DUSP11: variants seen among roughly 807,000 people sequenced by gnomAD.
DUSP11 encodes the protein RNA/RNP complex-1-interacting phosphatase.
A neutral mutation model predicts 41.4 loss-of-function variants in DUSP11; 27 were observed. The observed-to-expected ratio is 0.65, with a 90% confidence interval of 0.48 to 0.90. The LOEUF (loss-of-function observed/expected upper bound fraction) is 0.90. Ranked by LOEUF, DUSP11 falls within the 40% of genes least tolerant of loss-of-function variation. The probability of loss-of-function intolerance (pLI) is 0.00; values close to 1 mark genes in which losing one functional copy is unlikely to be tolerated. For synonymous variants in DUSP11, 188 were observed against 159.3 expected, an observed-to-expected ratio of 1.18 and a Z score of -1.35; for missense variants, 465 against 461.1, an observed-to-expected ratio of 1.01 and a Z score of -0.08.
chr2:73,766,862 A>C (rs767048130), exon 7 of DUSP11: 1 of 1,613,420 alleles, frequency 6.2e-7, no homozygotes, highest in Non-Finnish European at 8.5e-7. Flanking sequence ...TCTTCAATGT[A>C]GTTTTGTCTT....
At chr2:73,766,309 CAAAA>C in intron 8 of DUSP11, 105 bp downstream of exon 8, 20 of 836,744 alleles carry the variant, frequency 2.4e-5, no homozygotes, top group Admixed American at 7.5e-5. Flanking sequence ...ACTCTGTCTC[CAAAA>C]AAAAAAAAAA....
intron 5 of DUSP11, 125 bp downstream of exon 5, chr2:73,769,140 G>T: frequency 4.3e-6 from 3 of 699,700 alleles, no homozygotes; most frequent in East Asian, 2.6e-5. Context: ...ATCTCTGGGT[G>T]GGGAGCAAGA....
chr2:73,775,851 CAAAAAAAAAATTTAAAAAAA>C (rs973345451), intron 2 of DUSP11, among the ~76,000 whole-genome samples: 4 of 43,942 alleles, frequency 9.1e-5, no homozygotes, highest in African/African-American at 4.0e-4. Context: ...GACTCCATCT[CAAAAAAAAAATTTAAAAAAA>C]AAAAAAAAAA....
At chr2:73,774,862 AT>A in intron 3 of DUSP11, 50 bp downstream of exon 3, 1 of 1,429,880 alleles carries the variant, frequency 7.0e-7, no homozygotes, top group Non-Finnish European at 9.3e-7. Flanking sequence ...ACTATAAATT[AT>A]TTTAGGATCA....
rs773506260 is a variant in DUSP11, at chr2:73,780,139, G to T, written c.-24C>A. The T allele has an allele frequency of 2.6e-6, 4 of 1,552,008 alleles. No homozygotes were observed. The South Asian group carries it at 4.7e-5, about 18-fold the overall frequency. On this transcript the variant is annotated 5_prime_UTR_variant, in exon 1 of 9. Transcript: ENST00000272444. The stretch of plus-strand genomic sequence containing the variant: ...ATGTGCCACCGCCGGTCGTGATGGC[G>T]TAGCCACGCTGGCTTACTGAGACTC...
intron 2 of DUSP11, among the ~76,000 whole-genome samples, chr2:73,777,063 C>T (rs941016840): frequency 6.6e-6 from 1 of 152,186 alleles, no homozygotes; most frequent in Non-Finnish European, 1.5e-5. Context: ...TCACTGCAGC[C>T]TTGACCTCCT....
intron 4 of DUSP11, among the ~76,000 whole-genome samples, chr2:73,772,719 AG>A (rs1672609794): frequency 2.6e-5 from 4 of 152,208 alleles, no homozygotes; most frequent in Admixed American, 2.6e-4. Flanking sequence ...TTAAAGTTAA[AG>A]TACAGGGGAA....
exon 7 of DUSP11, chr2:73,766,842 A>C: frequency 6.2e-7 from 1 of 1,612,602 alleles, no homozygotes; most frequent in Admixed American, 1.7e-5. Flanking sequence ...TGATAGGACC[A>C]TTCTGAAGGT....
At chr2:73,762,334 T>TA (rs1672382347) in exon 9 of DUSP11, 1 of 173,516 alleles carries the variant, frequency 5.8e-6, no homozygotes, top group African/African-American at 2.4e-5. Flanking sequence ...CACACGCATA[T>TA]CACAAGTCTA....
chr2:73,769,308 G>T, exon 5 of DUSP11: 1 of 1,612,824 alleles, frequency 6.2e-7, no homozygotes, highest in Non-Finnish European at 8.5e-7. Flanking sequence ...TGGGTACAGT[G>T]GACACCAATA....
chr2:73,762,792 CCTCTCCAGGGGGA>C lies in DUSP11; in HGVS notation c.990_1002del (p.Pro331ThrfsTer11). 6.2e-7 allele frequency: 1 copy of C among 1,613,382 alleles called. No homozygotes were observed. Among genetic ancestry groups the C allele is most frequent in the East Asian group, 2.2e-5 (1 of 44,862 alleles). ...CAAGAATACCTCCTGTGTGAATAGT[CCTCTCCAGGGGGA>C]CCAGGAGGAGGGAGATGGTGTCTCT... On this transcript the variant is annotated frameshift_variant, in exon 9 of 9. Transcript: ENST00000272444. LOFTEE classifies it low-confidence loss of function (END_TRUNC).
exon 4 of DUSP11, chr2:73,773,887 T>C (rs1436484321): frequency 6.2e-7 from 1 of 1,603,928 alleles, no homozygotes; most frequent in Non-Finnish European, 8.5e-7. Flanking sequence ...TGTCCAACTG[T>C]AAAAATTTTT....
chr2:73,768,416 G>T, intron 5 of DUSP11: 2 of 977,052 alleles, frequency 2.0e-6, no homozygotes, highest in Non-Finnish European at 2.4e-6. Context: ...CATAATAGAT[G>T]CTCAGGAGAT....
chr2:73,767,397 G>A, intron 5 of DUSP11, 190 bp from the exon 6 acceptor site: 1 of 497,108 alleles, frequency 2.0e-6, no homozygotes, highest in South Asian at 3.7e-5. Flanking sequence ...AGAATGCAAG[G>A]ATGACCCAAC....
chr2:73,769,747 G>A (rs763968732), intron 4 of DUSP11, among the ~76,000 whole-genome samples: 8 of 152,290 alleles, frequency 5.3e-5, no homozygotes, highest in Non-Finnish European at 7.3e-5. Flanking sequence ...TTGAGTTCCC[G>A]AAGAGCTTCT....
At chr2:73,769,273 G>A (rs1325551961) in exon 5 of DUSP11, 1 of 1,613,490 alleles carries the variant, frequency 6.2e-7, no homozygotes, top group South Asian at 1.1e-5. Context: ...ACCTGCAAAT[G>A]AGGTAGCCAG....
chr2:73,778,013 G>A (rs1672715919), intron 2 of DUSP11, among the ~76,000 whole-genome samples: 1 of 151,816 alleles, frequency 6.6e-6, no homozygotes, highest in Non-Finnish European at 1.5e-5. Context: ...ATTACTCTAT[G>A]TCTTTTAATG....
chr2:73,766,163 G>C (rs1672454976), intron 8 of DUSP11, among the ~76,000 whole-genome samples: 1 of 152,034 alleles, frequency 6.6e-6, no homozygotes, highest in Non-Finnish European at 1.5e-5. Flanking sequence ...CAAAAAATTA[G>C]CTGGGCATGG....
chr2:73,777,860 G>C (rs1014780884), intron 2 of DUSP11, among the ~76,000 whole-genome samples: 1 of 151,912 alleles, frequency 6.6e-6, no homozygotes, highest in Non-Finnish European at 1.5e-5. Context: ...AATTTTCCAG[G>C]ATAATAATCA....
Sources: gnomAD v4.1 joint callset for allele counts (sites outside exome capture counted in the v4.1 genomes callset) on GRCh38, gnomAD v4.1.1 for gene constraint, MANE v1.5 for transcripts, NCBI Gene and HGNC (gene_info 2026-07-23, HGNC 2026-07-21) for gene names.